Variants in ABHD17C observed in about 807,000 individuals in gnomAD.
ABHD17C encodes alpha/beta hydrolase domain-containing protein 17C.
A neutral mutation model predicts 27.9 loss-of-function variants in ABHD17C; 11 were observed. The ratio of observed to expected loss-of-function variants is 0.39; its 90% confidence interval spans 0.25 to 0.65. The LOEUF (loss-of-function observed/expected upper bound fraction) is 0.65. Ranked by LOEUF, ABHD17C falls within the 30% of genes least tolerant of loss-of-function variation. The pLI is 0.45. For synonymous variants in ABHD17C, 233 were observed against 209.1 expected, an observed-to-expected ratio of 1.11 and a Z score of -0.98; for missense variants, 280 against 470.2, an observed-to-expected ratio of 0.60 and a Z score of 3.74.
chr15:80,721,792 C>G (rs1365462245), intron 1 of ABHD17C, among the ~76,000 whole-genome samples: 1 of 152,114 alleles, frequency 6.6e-6, no homozygotes, highest in Non-Finnish European at 1.5e-5. Context: ...CTTTCAGACA[C>G]ACGCAGCCAG....
intron 1 of ABHD17C, among the ~76,000 whole-genome samples, chr15:80,730,388 T>G (rs1344307210): frequency 6.6e-6 from 1 of 152,152 alleles, no homozygotes. Context: ...GGGATGGAGA[T>G]CCTCTCCACC....
chr15:80,718,142 G>C (rs573151537), intron 1 of ABHD17C, among the ~76,000 whole-genome samples: 1 of 152,096 alleles, frequency 6.6e-6, no homozygotes, highest in Non-Finnish European at 1.5e-5. Flanking sequence ...AACACTGCCC[G>C]TGTAAGCTTT....
intron 1 of ABHD17C, among the ~76,000 whole-genome samples, chr15:80,730,927 G>C (rs982552998): frequency 6.6e-5 from 10 of 152,156 alleles, no homozygotes; most frequent in African/African-American, 2.4e-4. Flanking sequence ...AAGGCTTCCT[G>C]TTTATGATAA....
chr15:80,704,054 G>A (rs1567030428), intron 1 of ABHD17C, among the ~76,000 whole-genome samples: 3 of 152,196 alleles, frequency 2.0e-5, no homozygotes, highest in Non-Finnish European at 2.9e-5. Context: ...GTTCTGTACC[G>A]TGGATAGCTG....
At chr15:80,717,698 T>A (rs1567033333) in intron 1 of ABHD17C, among the ~76,000 whole-genome samples, 1 of 152,226 alleles carries the variant, frequency 6.6e-6, no homozygotes, top group Non-Finnish European at 1.5e-5. Flanking sequence ...AAAATGCATT[T>A]TAACAGTGGT....
intron 1 of ABHD17C, among the ~76,000 whole-genome samples, chr15:80,749,097 G>A (rs916505225): frequency 6.6e-5 from 10 of 152,006 alleles, no homozygotes; most frequent in African/African-American, 2.4e-4. Context: ...ACTTTGCTTC[G>A]AGTTTTTAAT....
chr15:80,725,237 A>T (rs1894956803), intron 1 of ABHD17C, among the ~76,000 whole-genome samples: 1 of 152,220 alleles, frequency 6.6e-6, no homozygotes, highest in African/African-American at 2.4e-5. Context: ...ACCCATAAAT[A>T]CAGAAAAGTT....
chr15:80,730,228 C>T (rs2627321), intron 1 of ABHD17C, among the ~76,000 whole-genome samples: 52,616 of 152,066 alleles, frequency 0.35, 11,022 homozygotes, highest in Non-Finnish European at 0.48. Flanking sequence ...AGAACAACTC[C>T]ACCTTGAACC....
rs558129528 is a variant in ABHD17C at position 80,741,287 on chromosome 15, ACC to A, written c.591-8222_591-8221del. ...TTTAATGCATTAAAAAAAGATGAAG[ACC>A]CCCAGTGGATACCTGAAACTGAGGA... On this transcript the variant is annotated intron_variant, in intron 1 of 2. Coordinates refer to ENST00000258884, the MANE Select transcript of ABHD17C (RefSeq NM_021214.2). 1.3e-4 allele frequency among the ~76,000 whole-genome samples: 19 copies of A among 151,644 alleles called. No individual in the cohort carries two copies. In the South Asian group the frequency reaches 3.6e-3, roughly 28 times the overall value.
intron 1 of ABHD17C, among the ~76,000 whole-genome samples, chr15:80,722,793 A>G (rs550645122): frequency 6.6e-6 from 1 of 152,280 alleles, no homozygotes; most frequent in African/African-American, 2.4e-5. Flanking sequence ...TAGATTCCAC[A>G]TGTAAGTGAG....
At chr15:80,701,114 A>G (rs1830122813) in intron 1 of ABHD17C, among the ~76,000 whole-genome samples, 2 of 152,202 alleles carry the variant, frequency 1.3e-5, no homozygotes, top group Non-Finnish European at 1.5e-5. Context: ...CACAGGATCC[A>G]TAATTGGAAA....
chr15:80,747,561 T>G (rs1895307037), intron 1 of ABHD17C, among the ~76,000 whole-genome samples: 1 of 152,146 alleles, frequency 6.6e-6, no homozygotes, highest in Non-Finnish European at 1.5e-5. Flanking sequence ...TGATGTGGAT[T>G]TGGGCACAGG....
chr15:80,711,635 A>G (rs1894730002), intron 1 of ABHD17C, among the ~76,000 whole-genome samples: 1 of 152,190 alleles, frequency 6.6e-6, no homozygotes, highest in African/African-American at 2.4e-5. Context: ...GGCAGGATTA[A>G]GTGTGGTGAA....
chr15:80,704,112 GT>G (rs1489432964), intron 1 of ABHD17C, among the ~76,000 whole-genome samples: 2 of 152,176 alleles, frequency 1.3e-5, no homozygotes, highest in African/African-American at 4.8e-5. Context: ...GCTATAGATG[GT>G]TTCAGATAAA....
intron 1 of ABHD17C, among the ~76,000 whole-genome samples, chr15:80,748,784 C>T (rs777933445): frequency 6.6e-6 from 1 of 150,802 alleles, no homozygotes; most frequent in Non-Finnish European, 1.5e-5. Context: ...GGAATGCACA[C>T]CATTCACTTT....
intron 1 of ABHD17C, among the ~76,000 whole-genome samples, chr15:80,735,611 T>C (rs900570957): frequency 6.6e-6 from 1 of 152,116 alleles, no homozygotes; most frequent in African/African-American, 2.4e-5. Flanking sequence ...CAGGGCGGGC[T>C]CCAGTGCCGT....
intron 1 of ABHD17C, among the ~76,000 whole-genome samples, chr15:80,745,030 T>A (rs1445757026): frequency 6.6e-6 from 1 of 152,230 alleles, no homozygotes; most frequent in Non-Finnish European, 1.5e-5. Context: ...ATATCTGAAG[T>A]ATCTGGTGAG....
rs2141527484 is a variant in ABHD17C at position 80,754,733 on chromosome 15, C to G, written c.*363C>G. 5.6e-6 allele frequency: 1 copy of G among 179,854 alleles called. No homozygotes were observed. Among genetic ancestry groups the G allele is most frequent in the East Asian group, 1.5e-4 (1 of 6,716 alleles). The allele number at this position is 179,854 out of a possible 1,614,324, so 11.1% of individuals were successfully genotyped here. A position where few individuals can be genotyped will look rare whatever the true frequency, so the allele number is the denominator to read the frequency against. On this transcript the variant is annotated 3_prime_UTR_variant, in exon 3 of 3. Transcript: ENST00000258884. Reference sequence around the variant, plus strand: ...GACTTGCCCTGTTGCCACCAATGTTCTCGGTATTTCACATGCAGCTCTCTT... The same window carrying G: ...GACTTGCCCTGTTGCCACCAATGTTGTCGGTATTTCACATGCAGCTCTCTT...
intron 1 of ABHD17C, among the ~76,000 whole-genome samples, chr15:80,718,731 G>A (rs1300382317): frequency 6.6e-6 from 1 of 152,174 alleles, no homozygotes. Context: ...ATTCTTAAAT[G>A]TAATTACTGC....
Sources: gnomAD v4.1 joint callset for allele counts (sites outside exome capture counted in the v4.1 genomes callset) on GRCh38, gnomAD v4.1.1 for gene constraint, MANE v1.5 for transcripts, NCBI Gene and HGNC (gene_info 2026-07-23, HGNC 2026-07-21) for gene names.